NDST4: variants seen among roughly 807,000 people sequenced by gnomAD.
NDST4 encodes the protein N-heparan sulfate sulfotransferase 4.
Under a neutral mutation model 100.8 loss-of-function variants are expected in NDST4, and 63 were observed. The ratio of observed to expected loss-of-function variants is 0.62; its 90% CI spans 0.51 to 0.77. NDST4 has a LOEUF of 0.77. Among genes scored for constraint, NDST4 ranks in the 30% least tolerant of loss-of-function variants. The probability of loss-of-function intolerance (pLI) is 0.00; values close to 1 mark genes in which losing one functional copy is unlikely to be tolerated. For missense variants in NDST4, 943 were observed against 1,018.4 expected (o/e 0.93, Z 1.01); for synonymous variants, 377 against 361.8 (o/e 1.04, Z -0.48).
intron 6 of NDST4, among the ~76,000 whole-genome samples, chr4:114,916,536 C>CTGTG (rs537961796): frequency 0.041 from 5,237 of 128,840 alleles, 71 homozygotes; most frequent in Admixed American, 0.079. Flanking sequence ...CTGGTAGGCT[C>CTGTG]TGTGTGTGTG....
intron 1 of NDST4, among the ~76,000 whole-genome samples, chr4:115,090,360 A>T (rs538757917): frequency 6.6e-6 from 1 of 151,934 alleles, no homozygotes; most frequent in Non-Finnish European, 1.5e-5. Flanking sequence ...CAAAATAATG[A>T]TAGAAGATAA....
chr4:114,873,517 C>G (rs936966511), intron 6 of NDST4, among the ~76,000 whole-genome samples: 11 of 151,976 alleles, frequency 7.2e-5, no homozygotes, highest in Admixed American at 4.6e-4. Context: ...TACCTAGATA[C>G]ATTATATAAA....
intron 2 of NDST4, among the ~76,000 whole-genome samples, chr4:115,070,537 C>G (rs1191447166): frequency 6.6e-6 from 1 of 152,016 alleles, no homozygotes; most frequent in African/African-American, 2.4e-5. Context: ...TTTCTAGGAG[C>G]TTATATACAT....
Position 114,904,150 on chromosome 4 carries a change from C to A in NDST4, c.1536+31056G>T, listed in dbSNP as rs147443734. On this transcript the variant is annotated intron_variant, in intron 6 of 13. Transcript: ENST00000264363. Reference sequence around the variant, plus strand: ...GATCTCTCAATTCATAAAGTGCTATCCTTTTCCATATTAATTATCTCTTAG... The same window carrying A: ...GATCTCTCAATTCATAAAGTGCTATACTTTTCCATATTAATTATCTCTTAG... 0.014 allele frequency among the ~76,000 whole-genome samples: 2,191 copies of A among 152,028 alleles called. 98 individuals carry two copies. The South Asian group carries it at 0.17, about 12-fold the overall frequency.
intron 2 of NDST4, among the ~76,000 whole-genome samples, chr4:115,013,006 C>T (rs1190685122): frequency 1.4e-5 from 2 of 147,858 alleles, no homozygotes; most frequent in East Asian, 2.0e-4. Context: ...AAAATTAAAA[C>T]GATTGAACTC....
intron 6 of NDST4, among the ~76,000 whole-genome samples, chr4:114,921,847 T>C (rs937047648): frequency 1.3e-5 from 2 of 152,122 alleles, no homozygotes; most frequent in African/African-American, 4.8e-5. Flanking sequence ...TCATTTCCCC[T>C]TTTCCCTGCT....
At chr4:114,842,264 C>G (rs1231841087) in intron 10 of NDST4, among the ~76,000 whole-genome samples, 2 of 152,024 alleles carry the variant, frequency 1.3e-5, no homozygotes, top group Non-Finnish European at 2.9e-5. Context: ...TGTCTTCAAA[C>G]TATCACCCTC....
chr4:114,935,262 C>G lies in NDST4; in HGVS notation c.1480G>C (p.Glu494Gln), dbSNP rs758108701. The G allele has an allele frequency of 6.2e-7, 1 of 1,610,908 alleles. No individual in the cohort carries two copies. Among genetic ancestry groups the G allele is most frequent in the Non-Finnish European group, 8.5e-7 (1 of 1,178,542 alleles). The change falls in exon 6 of 14, where the codon GAA (glutamate) becomes CAA (glutamine). Residue 494 changes from glutamate (E) to glutamine (Q), a missense_variant. By Grantham distance (29) the Glu-to-Gln change is conservative. Around this residue, in one of 2 missense-constraint regions of NDST4, gnomAD observed 526 missense variants for 634.1 expected, o/e 0.83. Coordinates refer to ENST00000264363, the MANE Select transcript of NDST4 (RefSeq NM_022569.3). ...CCTCCTCTGATACTTTTATCCAGTT[C>G]TTGGGGTCCTCCTGGATATTCTTTG... The part of the protein sequence containing the change: ...FYKEYPGGPQ[E>Q]LDKSIRGGEL...
chr4:115,056,618 T>G (rs1728699921), intron 2 of NDST4, among the ~76,000 whole-genome samples: 1 of 152,150 alleles, frequency 6.6e-6, no homozygotes, highest in African/African-American at 2.4e-5. Context: ...CATGATAGAA[T>G]GCCACTCTCA....
intron 6 of NDST4, among the ~76,000 whole-genome samples, chr4:114,884,325 AG>A (rs1482078715): frequency 1.3e-5 from 2 of 152,122 alleles, no homozygotes; most frequent in African/African-American, 2.4e-5. Context: ...TGGGAGGAGA[AG>A]AAAAAACTTT....
intron 2 of NDST4, among the ~76,000 whole-genome samples, chr4:115,032,600 G>A (rs1258915685): frequency 6.6e-6 from 1 of 152,112 alleles, no homozygotes; most frequent in South Asian, 2.1e-4. Context: ...AGCTAAAATT[G>A]TATTAGATTA....
intron 2 of NDST4, among the ~76,000 whole-genome samples, chr4:115,029,670 T>C (rs1179120323): frequency 6.6e-6 from 1 of 152,096 alleles, no homozygotes; most frequent in Non-Finnish European, 1.5e-5. Flanking sequence ...GATGCTCAAA[T>C]GAGGAGCTAG....
intron 2 of NDST4, among the ~76,000 whole-genome samples, chr4:115,072,954 T>C (rs1383595940): frequency 6.6e-6 from 1 of 151,992 alleles, no homozygotes; most frequent in Non-Finnish European, 1.5e-5. Context: ...CTAAAGTATA[T>C]ATCAAACTCA....
At chr4:114,843,796 T>C (rs183871633) in intron 10 of NDST4, among the ~76,000 whole-genome samples, 2 of 152,248 alleles carry the variant, frequency 1.3e-5, no homozygotes, top group African/African-American at 4.8e-5. Flanking sequence ...GCTCTGCACT[T>C]TTCATCTCTA....
At chr4:115,098,072 C>T (rs1162729636) in intron 1 of NDST4, among the ~76,000 whole-genome samples, 2 of 152,142 alleles carry the variant, frequency 1.3e-5, no homozygotes, top group East Asian at 1.9e-4. Context: ...GTGTGTAATA[C>T]TAACAATCTA....
At position 114,937,577 on chromosome 4, in the gene NDST4, C is replaced by A. The variant is rs191475632; in HGVS notation, c.1222-74G>T. The A allele has an allele frequency of 1.3e-3, 1,670 of 1,238,518 alleles. 3 individuals are homozygous for A. Among genetic ancestry groups the A allele is most frequent in the Non-Finnish European group, 1.7e-3 (1,527 of 890,532 alleles). The allele number at this position is 1,238,518 out of a possible 1,614,324, so 76.7% of individuals were successfully genotyped here. On this transcript the variant is annotated intron_variant, in intron 4 of 13. Transcript: ENST00000264363. Reference sequence around the variant, plus strand: ...CAGTGAAAATCATTTCCACCAACATCTATTTAGAATACATTGAACTCTATG... The same window carrying A: ...CAGTGAAAATCATTTCCACCAACATATATTTAGAATACATTGAACTCTATG...
rs185379177 is a variant in NDST4 at position 114,876,316 on chromosome 4, T to G, written c.1537-5366A>C. 1.1e-3 allele frequency among the ~76,000 whole-genome samples: 174 copies of G among 152,328 alleles called. 2 individuals carry two copies. The highest frequency in any genetic ancestry group is 3.9e-3 in the African/African-American group (163 of 41,586). On this transcript the variant is annotated intron_variant, in intron 6 of 13. Coordinates refer to ENST00000264363, the MANE Select transcript of NDST4 (RefSeq NM_022569.3). ...GTCCATTAGCTTGTTAAATTATTGA[T>G]TATGCTTTTAGTTCTCATAAAATGT...
chr4:115,011,651 A>T (rs1320925452), intron 2 of NDST4, among the ~76,000 whole-genome samples: 2 of 151,954 alleles, frequency 1.3e-5, no homozygotes, highest in Non-Finnish European at 2.9e-5. Context: ...AGATCTGTTC[A>T]TTCAGGAATA....
At chr4:114,990,862 C>T (rs956287451) in intron 2 of NDST4, among the ~76,000 whole-genome samples, 1 of 151,874 alleles carries the variant, frequency 6.6e-6, no homozygotes, top group African/African-American at 2.4e-5. Flanking sequence ...TTTAACGCAC[C>T]GAGGCATTTC....
Sources: gnomAD v4.1 joint callset for allele counts (sites outside exome capture counted in the v4.1 genomes callset) on GRCh38, gnomAD v4.1.1 for gene constraint, gnomAD v4.1.1 regional missense constraint, MANE v1.5 for transcripts, NCBI Gene and HGNC (gene_info 2026-07-23, HGNC 2026-07-21) for gene names.